The following SORCS2 variants were observed in gnomAD, a reference collection of about 807,000 sequenced individuals.
SORCS2 encodes the protein sortilin related VPS10 domain containing receptor 2, also known as VPS10 domain-containing receptor SorCS2.
Under a neutral mutation model 141.6 loss-of-function variants are expected in SORCS2, and 100 were observed. The observed-to-expected ratio is 0.71, with a 90% confidence interval of 0.60 to 0.83. The LOEUF is 0.83. Ranked by LOEUF, SORCS2 falls within the 40% of genes least tolerant of loss-of-function variation. The probability of loss-of-function intolerance (pLI) is 0.00; values close to 1 mark genes in which losing one functional copy is unlikely to be tolerated. For missense variants in SORCS2, 1,646 were observed against 1,560.2 expected, an observed-to-expected ratio of 1.05 and a Z score of -0.93; for synonymous variants, 789 against 676.9, an observed-to-expected ratio of 1.17 and a Z score of -2.57.
rs75606651 is a variant in SORCS2, at chr4:7,441,650, C to G, written c.548+45295C>G. On this transcript the variant is annotated intron_variant, in intron 2 of 26. Transcript: ENST00000507866. ...CTCCAGCCCAGATCACCATCTACCC[C>G]CTCCCCTAGCCCAGATCACCCTCCA... Among the ~76,000 whole-genome samples the G allele has an allele frequency of 7.4e-3, 1,123 of 151,234 alleles. 26 individuals are homozygous for G. The highest frequency in any genetic ancestry group is 0.026 in the African/African-American group (1,064 of 40,930).
chr4:7,228,477 C>T (rs1711572725), intron 1 of SORCS2, among the ~76,000 whole-genome samples: 1 of 152,192 alleles, frequency 6.6e-6, no homozygotes, highest in African/African-American at 2.4e-5. Context: ...CCAGTCTCTA[C>T]TGAGCCTAAA....
At position 7,698,397 on chromosome 4, in the gene SORCS2, G is replaced by GT. The variant is rs539857205; in HGVS notation, c.1668+1129dup. Among the ~76,000 whole-genome samples the GT allele has an allele frequency of 2.0e-3, 310 of 152,312 alleles. 2 individuals carry two copies. The highest frequency in any genetic ancestry group is 7.1e-3 in the African/African-American group (297 of 41,568). ...TGCAGCCTGGGTTGAAGGCCTTGAC[G>GT]TTTTTTAAAAATATGCAAGAAACAT... On this transcript the variant is annotated intron_variant, in intron 12 of 26. Coordinates refer to ENST00000507866, the MANE Select transcript of SORCS2 (RefSeq NM_020777.3).
rs1431265081 is a variant in SORCS2, at chr4:7,648,959, C to A, written c.814-5175C>A. On this transcript the variant is annotated intron_variant, in intron 4 of 26. Coordinates refer to ENST00000507866, the MANE Select transcript of SORCS2 (RefSeq NM_020777.3). The surrounding 1 kb of genome is among the most constrained non-coding windows in gnomAD (Gnocchi z 4.2). ...AGCATGAGGGGACACGCCTGGGGAT[C>A]CCTCCCCCGAGCCCAGCTGGCACTG... is the stretch of plus-strand genomic sequence containing the variant. Among the ~76,000 whole-genome samples, 1 of 152,128 alleles carries A rather than the reference C, an allele frequency of 6.6e-6. No homozygotes were observed. Among genetic ancestry groups the A allele is most frequent in the Non-Finnish European group, 1.5e-5 (1 of 68,004 alleles).
intron 3 of SORCS2, among the ~76,000 whole-genome samples, chr4:7,558,965 C>G (rs542355491): frequency 6.6e-6 from 1 of 152,328 alleles, no homozygotes; most frequent in South Asian, 2.1e-4. Flanking sequence ...TGGTTTTTGC[C>G]CTGCCCGATG....
chr4:7,396,540 G>T (rs912181263), intron 2 of SORCS2, among the ~76,000 whole-genome samples, 185 bp downstream of exon 2: 1 of 152,246 alleles, frequency 6.6e-6, no homozygotes, highest in Non-Finnish European at 1.5e-5. Context: ...AGTTTGGGCA[G>T]TGGGTATAAA....
At chr4:7,697,066 G>T (rs550969729) in intron 11 of SORCS2, 132 bp from the exon 12 acceptor site, 1 of 701,158 alleles carries the variant, frequency 1.4e-6, no homozygotes, top group African/African-American at 1.8e-5. Flanking sequence ...AGCAGCCACA[G>T]CAGGTCTGTG....
At chr4:7,716,916 A>G (rs1188013033) in intron 17 of SORCS2, among the ~76,000 whole-genome samples, 1 of 152,202 alleles carries the variant, frequency 6.6e-6, no homozygotes, top group Admixed American at 6.5e-5. Context: ...CTTTCAAAGC[A>G]CTAATGAAAT....
chr4:7,216,016 G>C (rs1728329438), intron 1 of SORCS2, among the ~76,000 whole-genome samples: 1 of 151,994 alleles, frequency 6.6e-6, no homozygotes, highest in Non-Finnish European at 1.5e-5. Flanking sequence ...TTCGCTCTTT[G>C]CAATAAATCT....
intron 2 of SORCS2, among the ~76,000 whole-genome samples, chr4:7,500,089 T>A (rs140003239): frequency 6.6e-6 from 1 of 152,152 alleles, no homozygotes; most frequent in Non-Finnish European, 1.5e-5. Flanking sequence ...GGGCTTTCTT[T>A]CCGGCTTCTG....
intron 1 of SORCS2, among the ~76,000 whole-genome samples, chr4:7,343,572 A>G (rs552200258): frequency 6.6e-6 from 1 of 152,318 alleles, no homozygotes; most frequent in East Asian, 1.9e-4. Flanking sequence ...GCAGGCGGGA[A>G]GCTCAGCCAC....
chr4:7,741,762 T>C lies in SORCS2; in HGVS notation c.*1498T>C. The C allele has an allele frequency of 6.5e-6, 1 of 154,134 alleles. No homozygotes were observed. The highest frequency in any genetic ancestry group is 1.4e-5 in the Non-Finnish European group (1 of 69,406). 9.5% of individuals were successfully genotyped at this position (154,134 alleles called of 1,614,324 possible). ...CATGCTGGCTGGGGGTGAATCCGAA[T>C]GACAGTGCAGACGTTCTCCCATCCA... On this transcript the variant is annotated 3_prime_UTR_variant, in exon 27 of 27. Coordinates refer to ENST00000507866, the MANE Select transcript of SORCS2 (RefSeq NM_020777.3).
intron 1 of SORCS2, among the ~76,000 whole-genome samples, chr4:7,349,498 C>A (rs184072670): frequency 0.01 from 1,552 of 152,098 alleles, 20 homozygotes; most frequent in African/African-American, 0.034. Context: ...AGGAGGTCAC[C>A]GGGTCATGGG....
intron 3 of SORCS2, among the ~76,000 whole-genome samples, chr4:7,585,796 C>T (rs1403422100): frequency 6.6e-6 from 1 of 152,194 alleles, no homozygotes; most frequent in Non-Finnish European, 1.5e-5. Context: ...GCAGCCTTGC[C>T]CCTAGGATTT....
rs1726788755 is a variant in SORCS2 at position 7,724,028 on chromosome 4, G to T, written c.2611+145G>T. 11 of 985,620 alleles carry T rather than the reference G, an allele frequency of 1.1e-5. No homozygotes were observed. In the South Asian group the frequency reaches 1.9e-4, roughly 17 times the overall value. The allele number at this position is 985,620 out of a possible 1,614,324, so 61.1% of individuals were successfully genotyped here. A position where few individuals can be genotyped will look rare whatever the true frequency, so the allele number is the denominator to read the frequency against. ...AACCCGAGGGCAGGGAGGCAGGGAG[G>T]CTGGGCTCAAACCCGCACCCCTGAT... On this transcript the variant is annotated intron_variant, in intron 19 of 26. Coordinates refer to ENST00000507866, the MANE Select transcript of SORCS2 (RefSeq NM_020777.3).
In SORCS2 at chr4:7,664,407, C is replaced by T. The variant is rs1399506534; in HGVS notation, c.1007C>T (p.Ala336Val). The change falls in exon 7 of 27, where the codon GCC (alanine) becomes GTC (valine). Residue 336 changes from alanine to valine, a missense_variant. Transcript: ENST00000507866. The surrounding 1 kb of genome is among the most constrained non-coding windows in gnomAD (Gnocchi z 4.7). ...IHNCSEKMLTAPFAGPIDHGS... is the reference protein window; with the variant it reads ...IHNCSEKMLTVPFAGPIDHGS... ...AATTGCTCCGAGAAGATGCTGACAG[C>T]CCCATTCGCAGGCCCCATTGACCAC... 1.2e-6 allele frequency: 2 copies of T among 1,613,916 alleles called. No homozygotes were observed. The highest frequency in any genetic ancestry group is 2.2e-5 in the South Asian group (2 of 91,070).
chr4:7,401,223 A>T (rs557906662), intron 2 of SORCS2, among the ~76,000 whole-genome samples: 3 of 151,816 alleles, frequency 2.0e-5, no homozygotes, highest in Non-Finnish European at 4.4e-5. Flanking sequence ...GGGTGGGTGG[A>T]TGGATGGATG....
intron 2 of SORCS2, among the ~76,000 whole-genome samples, chr4:7,462,151 C>T (rs756839609): frequency 2.6e-5 from 4 of 152,190 alleles, no homozygotes; most frequent in Admixed American, 6.5e-5. Context: ...CCCTGGGCTC[C>T]GAGGTGGGGA....
intron 4 of SORCS2, among the ~76,000 whole-genome samples, chr4:7,646,864 C>T (rs79755907): frequency 0.016 from 2,430 of 152,272 alleles, 71 homozygotes; most frequent in African/African-American, 0.055. Flanking sequence ...GTGAACAGAA[C>T]ATCCTGGACA....
intron 3 of SORCS2, among the ~76,000 whole-genome samples, chr4:7,607,745 C>T (rs1718152593): frequency 6.6e-6 from 1 of 152,130 alleles, no homozygotes; most frequent in Admixed American, 6.5e-5. Flanking sequence ...AGCATAGTTC[C>T]CATGCTTGTT....
Sources: gnomAD v4.1 joint callset for allele counts (sites outside exome capture counted in the v4.1 genomes callset) on GRCh38, gnomAD v4.1.1 for gene constraint, Gnocchi (gnomAD v3.1) non-coding constraint, MANE v1.5 for transcripts, NCBI Gene and HGNC (gene_info 2026-07-23, HGNC 2026-07-21) for gene names.